The following SCN3A variants were observed in gnomAD, a reference collection of about 807,000 sequenced individuals.
SCN3A encodes the protein sodium voltage-gated channel alpha subunit 3.
A neutral mutation model predicts 187.6 loss-of-function variants in SCN3A; 60 were observed. The observed-to-expected ratio is 0.32, with a 90% CI of 0.26 to 0.40. The LOEUF is 0.40. SCN3A is among the 10% of genes least tolerant of loss of function. SCN3A has a pLI of 1.00. For missense variants in SCN3A, 1,601 were observed against 2,428.2 expected, an observed-to-expected ratio of 0.66 and a Z score of 7.16; for synonymous variants, 788 against 829.2, an observed-to-expected ratio of 0.95 and a Z score of 0.85.
chr2:165,198,190 GA>G lies in SCN3A; in HGVS notation c.-248+5632del, dbSNP rs201333342. 1.9e-3 allele frequency among the ~76,000 whole-genome samples: 292 copies of G among 150,006 alleles called. 2 individuals are homozygous for G. Among genetic ancestry groups the G allele is most frequent in the African/African-American group, 5.9e-3 (243 of 40,986 alleles). On this transcript the variant is annotated intron_variant, in intron 1 of 27. Coordinates refer to ENST00000283254, the MANE Select transcript of SCN3A (RefSeq NM_006922.4). Reference sequence around the variant, plus strand: ...ACAGAAAATAGCAATAGAAAAAAAAGAAAAAAAAAGAATCAATGCTGCTAAG... The same window carrying G: ...ACAGAAAATAGCAATAGAAAAAAAAGAAAAAAAAGAATCAATGCTGCTAAG...
Position 165,088,204 on chromosome 2 carries a change from A to G in SCN3A, c.*1946T>C, listed in dbSNP as rs1283941688. The G allele has an allele frequency of 6.6e-6, 1 of 152,596 alleles. No individual in the cohort carries two copies. The highest frequency in any genetic ancestry group is 1.5e-5 in the Non-Finnish European group (1 of 67,976). 9.5% of individuals were successfully genotyped at this position (152,596 alleles called of 1,614,324 possible). A position where few individuals can be genotyped will look rare whatever the true frequency, so the allele number is the denominator to read the frequency against. ...GACGTAGCTCACCATTCTTTTTAGC[A>G]ATAGCAATTCCCTGCATGCAGTTCT... On this transcript the variant is annotated 3_prime_UTR_variant, in exon 28 of 28. Coordinates refer to ENST00000283254, the MANE Select transcript of SCN3A (RefSeq NM_006922.4).
At chr2:165,163,979 CT>C in intron 6 of SCN3A, 1 of 1,246,068 alleles carries the variant, frequency 8.0e-7, no homozygotes, top group Non-Finnish European at 1.2e-6. Flanking sequence ...ACATAGAGCC[CT>C]GTGAGTTTAA....
At chr2:165,125,788 C>T (rs1030365530) in intron 18 of SCN3A, among the ~76,000 whole-genome samples, 5 of 152,086 alleles carry the variant, frequency 3.3e-5, no homozygotes, top group Non-Finnish European at 7.4e-5. Flanking sequence ...TGTTAATTGA[C>T]TGGTATTTCT....
At chr2:165,124,168 C>T (rs965746193) in intron 18 of SCN3A, among the ~76,000 whole-genome samples, 3 of 151,880 alleles carry the variant, frequency 2.0e-5, no homozygotes, top group Non-Finnish European at 4.4e-5. Flanking sequence ...TTAAATCACC[C>T]CATAAGACAT....
rs748154421 is a variant in SCN3A at position 165,100,399 on chromosome 2, T to C, written c.3869A>G (p.Asn1290Ser). 1.9e-6 allele frequency: 3 copies of C among 1,613,974 alleles called. No individual in the cohort carries two copies. ...VDVSLVSLVA[N>S]ALGYSELGAI... ...ACCGAGTTCTGAGTAGCCAAGAGCA[T>C]TGGCTACCAGGCTAACCAAAGAAAC... Residue 1290 changes from asparagine to serine, a missense_variant, in exon 22 of 28, where the codon AAT (asparagine) becomes AGT (serine). Asn to Ser is a conservative substitution (Grantham distance 46). This residue lies in a region of SCN3A where 320 missense variants were observed against 623.2 expected (regional missense o/e 0.51). Coordinates refer to ENST00000283254, the MANE Select transcript of SCN3A (RefSeq NM_006922.4).
chr2:165,135,921 A>G (rs987153639), intron 15 of SCN3A, among the ~76,000 whole-genome samples: 5 of 152,120 alleles, frequency 3.3e-5, no homozygotes, highest in Admixed American at 6.6e-5. Context: ...AGATGGTTCT[A>G]TCACAAACAA....
intron 1 of SCN3A, among the ~76,000 whole-genome samples, chr2:165,188,671 CCAGG>C (rs1691390352): frequency 1.3e-5 from 2 of 150,676 alleles, no homozygotes; most frequent in African/African-American, 4.9e-5. Flanking sequence ...ACCTGTAATC[CCAGG>C]TACAGGTACT....
intron 18 of SCN3A, among the ~76,000 whole-genome samples, chr2:165,124,130 G>T (rs1686850782): frequency 1.3e-5 from 2 of 151,826 alleles, no homozygotes; most frequent in Admixed American, 1.3e-4. Context: ...TCAAAATTTA[G>T]CTTGAAAGAG....
At chr2:165,119,681 T>C (rs2105732782) in intron 18 of SCN3A, 1 of 152,258 alleles carries the variant, frequency 6.6e-6, no homozygotes, top group South Asian at 2.1e-4. Context: ...CAAAATGACC[T>C]TCAAATTTAT....
At chr2:165,103,060 A>G (rs1335549595) in intron 21 of SCN3A, among the ~76,000 whole-genome samples, 1 of 152,232 alleles carries the variant, frequency 6.6e-6, no homozygotes, top group Non-Finnish European at 1.5e-5. Flanking sequence ...TTAAGCTACA[A>G]TGTCATTTTG....
chr2:165,196,488 A>T (rs1173815994), intron 1 of SCN3A, among the ~76,000 whole-genome samples: 1 of 152,094 alleles, frequency 6.6e-6, no homozygotes, highest in Non-Finnish European at 1.5e-5. Context: ...CTCTAGGGAA[A>T]AGACTTTAGG....
chr2:165,097,675 A>T, intron 22 of SCN3A, 151 bp from the exon 23 acceptor site: 2 of 978,190 alleles, frequency 2.0e-6, no homozygotes, highest in Admixed American at 4.5e-5. Flanking sequence ...TCTAGCACAT[A>T]TTTGAAGGAA....
chr2:165,168,010 A>G (rs994102272), intron 5 of SCN3A, among the ~76,000 whole-genome samples: 2 of 152,134 alleles, frequency 1.3e-5, no homozygotes, highest in Admixed American at 1.3e-4. Context: ...GAGGCCTGGG[A>G]TATGAGGCCA....
At chr2:165,099,586 G>A (rs1414151511) in intron 22 of SCN3A, among the ~76,000 whole-genome samples, 1 of 151,984 alleles carries the variant, frequency 6.6e-6, no homozygotes, top group Non-Finnish European at 1.5e-5. Context: ...GCGTGGTGGC[G>A]GGCACCTGTA....
chr2:165,179,923 T>G (rs1185748609), intron 2 of SCN3A, among the ~76,000 whole-genome samples: 1 of 152,134 alleles, frequency 6.6e-6, no homozygotes, highest in Non-Finnish European at 1.5e-5. Flanking sequence ...AAAAATTAAT[T>G]CTTACTGATG....
At chr2:165,143,948 G>A (rs956443451) in intron 12 of SCN3A, among the ~76,000 whole-genome samples, 4 of 151,916 alleles carry the variant, frequency 2.6e-5, no homozygotes, top group Admixed American at 6.6e-5. Context: ...GCATTTTGAG[G>A]TTTCATTTTA....
chr2:165,117,587 G>A (rs1686434314), intron 18 of SCN3A, among the ~76,000 whole-genome samples: 1 of 152,032 alleles, frequency 6.6e-6, no homozygotes, highest in Admixed American at 6.6e-5. Context: ...ACACTGAATA[G>A]TTAAGTTGAG....
intron 7 of SCN3A, 95 bp downstream of exon 7, chr2:165,163,523 G>A (rs190398712): frequency 2.2e-6 from 3 of 1,385,336 alleles, no homozygotes; most frequent in South Asian, 1.2e-5. Context: ...GGGATGAACT[G>A]TAATAATAAG....
chr2:165,143,891 A>T (rs751557255), intron 12 of SCN3A, among the ~76,000 whole-genome samples: 3 of 152,198 alleles, frequency 2.0e-5, no homozygotes, highest in Non-Finnish European at 4.4e-5. Flanking sequence ...GAATTTTAAG[A>T]TGTTCTAGTG....
Sources: gnomAD v4.1 joint callset for allele counts (sites outside exome capture counted in the v4.1 genomes callset) on GRCh38, gnomAD v4.1.1 for gene constraint, gnomAD v4.1.1 regional missense constraint, MANE v1.5 for transcripts, NCBI Gene and HGNC (gene_info 2026-07-23, HGNC 2026-07-21) for gene names.